SYNDIG1: variants seen among roughly 807,000 people sequenced by gnomAD.
SYNDIG1 encodes synapse differentiation-inducing gene protein 1.
In SYNDIG1, 9 loss-of-function variants were observed where a neutral mutation model predicts 19.4. The ratio of observed to expected loss-of-function variants is 0.46; its 90% CI spans 0.28 to 0.81. SYNDIG1 has a LOEUF of 0.81. Among genes scored for constraint, SYNDIG1 ranks in the 30% least tolerant of loss-of-function variants. SYNDIG1 has a pLI of 0.12. For missense variants in SYNDIG1, 311 were observed against 343.3 expected (o/e 0.91, Z 0.74); for synonymous variants, 141 against 145.9 (o/e 0.97, Z 0.24).
intron 3 of SYNDIG1, among the ~76,000 whole-genome samples, chr20:24,587,475 C>T (rs748975092): frequency 6.6e-6 from 1 of 152,212 alleles, no homozygotes; most frequent in Non-Finnish European, 1.5e-5. Context: ...ACGCCTCAGC[C>T]GGCTACCAGG....
chr20:24,553,494 G>A (rs1222011527), intron 2 of SYNDIG1, among the ~76,000 whole-genome samples: 1 of 152,176 alleles, frequency 6.6e-6, no homozygotes, highest in African/African-American at 2.4e-5. Flanking sequence ...TGTATAAGGT[G>A]TAAGGAAGGG....
At chr20:24,493,621 G>T (rs1354812832) in intron 1 of SYNDIG1, among the ~76,000 whole-genome samples, 1 of 152,254 alleles carries the variant, frequency 6.6e-6, no homozygotes, top group East Asian at 1.9e-4. Context: ...GAGGGTTTTT[G>T]TCTGGTTTTG....
At chr20:24,578,791 C>A (rs73343399) in intron 2 of SYNDIG1, among the ~76,000 whole-genome samples, 3,126 of 152,284 alleles carry the variant, frequency 0.021, 108 homozygotes, top group African/African-American at 0.071. Flanking sequence ...AGGGTCAGAT[C>A]CCACGAGACT....
At chr20:24,500,325 A>G (rs1047121898) in intron 1 of SYNDIG1, among the ~76,000 whole-genome samples, 3 of 152,204 alleles carry the variant, frequency 2.0e-5, no homozygotes, top group African/African-American at 7.2e-5. Flanking sequence ...AATACCTTCT[A>G]TGTTGCCAAA....
chr20:24,494,181 G>T (rs547201228), intron 1 of SYNDIG1, among the ~76,000 whole-genome samples: 3 of 152,356 alleles, frequency 2.0e-5, no homozygotes, highest in South Asian at 2.1e-4. Flanking sequence ...CCGAGGACTG[G>T]ATCACTGAGT....
intron 3 of SYNDIG1, among the ~76,000 whole-genome samples, chr20:24,617,985 A>G (rs111220225): frequency 0.27 from 25,035 of 91,750 alleles, 3,388 homozygotes; most frequent in Admixed American, 0.43. Context: ...TGAAGTCTGG[A>G]GAGCGGGGAG....
chr20:24,638,300 T>G (rs2059336117), intron 3 of SYNDIG1, among the ~76,000 whole-genome samples: 1 of 152,192 alleles, frequency 6.6e-6, no homozygotes, highest in Admixed American at 6.5e-5. Flanking sequence ...TTTGCATATA[T>G]ATATTAAGAA....
At chr20:24,518,916 AG>A (rs1349239183) in intron 1 of SYNDIG1, among the ~76,000 whole-genome samples, 2 of 152,222 alleles carry the variant, frequency 1.3e-5, no homozygotes, top group Admixed American at 6.5e-5. Flanking sequence ...CCGAGGAAGC[AG>A]GGTGCTCCAG....
At chr20:24,585,257 G>C (rs779406218) in intron 3 of SYNDIG1, among the ~76,000 whole-genome samples, 8 of 152,220 alleles carry the variant, frequency 5.3e-5, no homozygotes, top group Non-Finnish European at 8.8e-5. Flanking sequence ...TGGAACTGAA[G>C]CCGGTGTCTG....
chr20:24,657,336 GC>G (rs1020579522), intron 3 of SYNDIG1, among the ~76,000 whole-genome samples: 4 of 152,186 alleles, frequency 2.6e-5, no homozygotes, highest in African/African-American at 7.2e-5. Context: ...CACAGAAGGG[GC>G]TGGCCTTGAG....
At chr20:24,577,228 G>A (rs6083562) in intron 2 of SYNDIG1, among the ~76,000 whole-genome samples, 24,305 of 152,244 alleles carry the variant, frequency 0.16, 2,463 homozygotes, top group East Asian at 0.37. Flanking sequence ...GGAGATGTCT[G>A]TGGTTTTTAC....
chr20:24,611,179 G>A (rs1258104032), intron 3 of SYNDIG1, among the ~76,000 whole-genome samples: 2 of 152,102 alleles, frequency 1.3e-5, no homozygotes, highest in African/African-American at 4.8e-5. Flanking sequence ...TCCAGGTTGT[G>A]AATCCCAAAC....
At chr20:24,598,233 C>T (rs1044681212) in intron 3 of SYNDIG1, among the ~76,000 whole-genome samples, 1 of 151,870 alleles carries the variant, frequency 6.6e-6, no homozygotes, top group African/African-American at 2.4e-5. Context: ...ACAAGAATGG[C>T]AGCAAGGGCA....
At chr20:24,556,353 G>A (rs540646333) in intron 2 of SYNDIG1, among the ~76,000 whole-genome samples, 94 of 152,286 alleles carry the variant, frequency 6.2e-4, no homozygotes, top group African/African-American at 2.3e-3. Context: ...TCATTATGAT[G>A]TTAGCTGGTT....
chr20:24,479,554 A>T (rs2146230150), intron 1 of SYNDIG1, among the ~76,000 whole-genome samples: 1 of 152,052 alleles, frequency 6.6e-6, no homozygotes, highest in Middle Eastern at 3.4e-3. Flanking sequence ...ATACTCAGTA[A>T]CCCAGGAATC....
intron 1 of SYNDIG1, among the ~76,000 whole-genome samples, chr20:24,481,817 T>G (rs1240776973): frequency 6.6e-6 from 1 of 152,070 alleles, no homozygotes; most frequent in Non-Finnish European, 1.5e-5. Context: ...TCAATTTATA[T>G]CTCCCTATTT....
At chr20:24,537,017 T>C (rs2057375976) in intron 1 of SYNDIG1, among the ~76,000 whole-genome samples, 1 of 152,160 alleles carries the variant, frequency 6.6e-6, no homozygotes, top group East Asian at 1.9e-4. Context: ...CCATTCCTCA[T>C]GCTGTTCACA....
At chr20:24,486,441 G>A (rs1477647540) in intron 1 of SYNDIG1, among the ~76,000 whole-genome samples, 1 of 152,194 alleles carries the variant, frequency 6.6e-6, no homozygotes, top group Non-Finnish European at 1.5e-5. Flanking sequence ...CAAATAATGT[G>A]AAGACCAAAA....
intron 3 of SYNDIG1, among the ~76,000 whole-genome samples, chr20:24,601,910 A>C (rs4815283): frequency 6.6e-6 from 1 of 151,754 alleles, no homozygotes; most frequent in Non-Finnish European, 1.5e-5. Context: ...TGCAGGTATG[A>C]TCATTAGGTA....
Sources: gnomAD v4.1 joint callset for allele counts (sites outside exome capture counted in the v4.1 genomes callset) on GRCh38, gnomAD v4.1.1 for gene constraint, MANE v1.5 for transcripts, NCBI Gene and HGNC (gene_info 2026-07-23, HGNC 2026-07-21) for gene names.